Variants in IMMP2L observed in about 807,000 individuals in gnomAD.
The protein encoded by IMMP2L is inner mitochondrial membrane peptidase subunit 2.
IMMP2L carries 18 observed loss-of-function variants against 19.3 expected under a neutral mutation model. The ratio of observed to expected loss-of-function variants is 0.93; its 90% confidence interval spans 0.64 to 1.38. The LOEUF (loss-of-function observed/expected upper bound fraction) is 1.38. Among genes scored for constraint, IMMP2L ranks in the 40% most tolerant of loss-of-function variants. IMMP2L has a pLI of 0.00. For synonymous variants in IMMP2L, 76 were observed against 73.0 expected (o/e 1.04, Z -0.21); for missense variants, 233 against 218.2 (o/e 1.07, Z -0.43).
At chr7:110,859,257 T>G (rs1391494780) in intron 5 of IMMP2L, among the ~76,000 whole-genome samples, 1 of 152,062 alleles carries the variant, frequency 6.6e-6, no homozygotes, top group Non-Finnish European at 1.5e-5. Context: ...TTAGATAATT[T>G]AGAGATTTTC....
chr7:111,376,076 C>T (rs11983153), intron 3 of IMMP2L, among the ~76,000 whole-genome samples: 3,263 of 152,142 alleles, frequency 0.021, 124 homozygotes, highest in African/African-American at 0.074. Context: ...AAATAACTTA[C>T]CTTCTCTCAG....
chr7:110,839,359 G>T (rs1158733671), intron 5 of IMMP2L, among the ~76,000 whole-genome samples: 2 of 152,010 alleles, frequency 1.3e-5, no homozygotes, highest in African/African-American at 4.8e-5. Context: ...GATAATTCAG[G>T]CTGTGCTAAA....
chr7:111,556,913 G>A (rs2133161036), intron 1 of IMMP2L, among the ~76,000 whole-genome samples: 1 of 152,168 alleles, frequency 6.6e-6, no homozygotes, highest in East Asian at 1.9e-4. Context: ...ACTTGCCAAT[G>A]ATATGCCCTG....
chr7:111,380,389 C>T (rs1160852782), intron 3 of IMMP2L, among the ~76,000 whole-genome samples: 2 of 151,968 alleles, frequency 1.3e-5, no homozygotes, highest in African/African-American at 4.8e-5. Flanking sequence ...TGATCCTCCA[C>T]ACACAGACTG....
chr7:111,482,641 A>G lies in IMMP2L; in HGVS notation c.239+4597T>C, dbSNP rs546438855. ...GTATGTGGTTCCAAGAAACTAAAAA[A>G]AAACCCATGCCTGAAAGAGAAATCC... On this transcript the variant is annotated intron_variant, in intron 3 of 5. Transcript: ENST00000405709. Among the ~76,000 whole-genome samples, 4 of 152,282 alleles carry G rather than the reference A, an allele frequency of 2.6e-5. No individual in the cohort carries two copies. The South Asian group carries it at 8.3e-4, about 32-fold the overall frequency.
At chr7:111,195,518 T>A (rs909001732) in intron 3 of IMMP2L, among the ~76,000 whole-genome samples, 1 of 152,124 alleles carries the variant, frequency 6.6e-6, no homozygotes, top group Non-Finnish European at 1.5e-5. Context: ...CTTTATCAAT[T>A]GCCACATTAT....
intron 4 of IMMP2L, among the ~76,000 whole-genome samples, chr7:110,935,239 TTC>T (rs1405183950): frequency 2.6e-5 from 4 of 152,200 alleles, no homozygotes; most frequent in Non-Finnish European, 5.9e-5. Context: ...AGGATTTTAA[TTC>T]TCTTTTGCTT....
chr7:111,529,645 G>T (rs1847208929), intron 1 of IMMP2L, among the ~76,000 whole-genome samples: 1 of 152,052 alleles, frequency 6.6e-6, no homozygotes, highest in African/African-American at 2.4e-5. Context: ...AATTATGTAA[G>T]GCATAAAGTT....
At chr7:111,492,212 T>C (rs1192206463) in intron 2 of IMMP2L, 1 of 170,424 alleles carries the variant, frequency 5.9e-6, no homozygotes, top group Non-Finnish European at 1.2e-5. Context: ...CACATTTTAG[T>C]GGAAAGAATT....
intron 3 of IMMP2L, among the ~76,000 whole-genome samples, chr7:111,239,993 C>A (rs781134138): frequency 6.6e-6 from 1 of 151,854 alleles, no homozygotes; most frequent in Non-Finnish European, 1.5e-5. Flanking sequence ...GAAATAGATG[C>A]TAAAGTAATA....
chr7:111,090,346 A>T (rs187073776), intron 3 of IMMP2L, among the ~76,000 whole-genome samples: 4 of 152,130 alleles, frequency 2.6e-5, no homozygotes, highest in African/African-American at 9.7e-5. Flanking sequence ...AACTTATTAC[A>T]ATCGAAATAT....
chr7:111,448,315 T>A (rs1396741950), intron 3 of IMMP2L, among the ~76,000 whole-genome samples: 42 of 138,888 alleles, frequency 3.0e-4, no homozygotes, highest in East Asian at 1.1e-3. Context: ...GAAGTAAAGC[T>A]CTCCTCAGCA....
At chr7:111,540,279 T>C (rs929061425) in intron 1 of IMMP2L, among the ~76,000 whole-genome samples, 1 of 152,132 alleles carries the variant, frequency 6.6e-6, no homozygotes, top group African/African-American at 2.4e-5. Context: ...TGGGGTGAAT[T>C]TGATCTGCTG....
At chr7:111,124,202 C>G in intron 3 of IMMP2L, 2 of 1,613,894 alleles carry the variant, frequency 1.2e-6, no homozygotes, top group Non-Finnish European at 1.7e-6. Context: ...TATGTCCATT[C>G]TGAGGGAACA....
At chr7:111,345,259 A>G (rs1356994187) in intron 3 of IMMP2L, among the ~76,000 whole-genome samples, 1 of 152,100 alleles carries the variant, frequency 6.6e-6, no homozygotes, top group Admixed American at 6.6e-5. Flanking sequence ...AAGTAGACAG[A>G]TTTTTACATC....
chr7:110,816,147 G>A (rs1381147906), intron 5 of IMMP2L, among the ~76,000 whole-genome samples: 1 of 152,142 alleles, frequency 6.6e-6, no homozygotes, highest in Non-Finnish European at 1.5e-5. Flanking sequence ...ATGTGTCCCA[G>A]AGATACTGGT....
chr7:111,535,032 A>C (rs1347511392), intron 1 of IMMP2L, among the ~76,000 whole-genome samples: 3 of 152,146 alleles, frequency 2.0e-5, no homozygotes, highest in African/African-American at 7.2e-5. Context: ...TGCAAATGCA[A>C]GGAGGGAGTT....
intron 3 of IMMP2L, among the ~76,000 whole-genome samples, chr7:111,002,121 G>A (rs144506507): frequency 0.019 from 2,846 of 152,050 alleles, 36 homozygotes; most frequent in Middle Eastern, 0.031. Context: ...TGAGAGTCAA[G>A]TGCAGGGAGT....
chr7:110,825,371 A>G (rs1340245365), intron 5 of IMMP2L, among the ~76,000 whole-genome samples: 1 of 152,170 alleles, frequency 6.6e-6, no homozygotes, highest in African/African-American at 2.4e-5. Context: ...AAGAGCCCGC[A>G]TTGCCAAGTC....
Sources: gnomAD v4.1 joint callset for allele counts (sites outside exome capture counted in the v4.1 genomes callset) on GRCh38, gnomAD v4.1.1 for gene constraint, MANE v1.5 for transcripts, NCBI Gene and HGNC (gene_info 2026-07-23, HGNC 2026-07-21) for gene names.